The following LMBRD1 variants were observed in gnomAD, a reference collection of about 807,000 sequenced individuals.
The protein encoded by LMBRD1 is lysosomal cobalamin transport escort protein LMBD1.
Under a neutral mutation model 74.8 loss-of-function variants are expected in LMBRD1, and 64 were observed. That is an observed-to-expected ratio of 0.86 (90% confidence interval 0.70 to 1.05). The LOEUF (loss-of-function observed/expected upper bound fraction) is 1.05. Among genes scored for constraint, LMBRD1 ranks in the 50% least tolerant of loss-of-function variants. The pLI is 0.00. For synonymous variants in LMBRD1, 204 were observed against 216.3 expected (o/e 0.94, Z 0.50); for missense variants, 652 against 645.9 (o/e 1.01, Z -0.10).
At chr6:69,719,956 T>C (rs187135666) in intron 7 of LMBRD1, among the ~76,000 whole-genome samples, 200 of 152,344 alleles carry the variant, frequency 1.3e-3, no homozygotes, top group Admixed American at 2.6e-3. Context: ...GTTTTAGGCA[T>C]GACCCCAAAC....
At chr6:69,679,787 T>C (rs1765623506) in intron 14 of LMBRD1, among the ~76,000 whole-genome samples, 1 of 152,094 alleles carries the variant, frequency 6.6e-6, no homozygotes, top group Admixed American at 6.6e-5. Flanking sequence ...TGTGGACTTA[T>C]AAAAAGGGGA....
intron 12 of LMBRD1, among the ~76,000 whole-genome samples, chr6:69,699,406 G>C (rs1766079236): frequency 6.6e-6 from 1 of 151,678 alleles, no homozygotes; most frequent in South Asian, 2.1e-4. Flanking sequence ...TTGTGTAACA[G>C]CATCTGTTAG....
In LMBRD1 at chr6:69,753,524, C is replaced by T. The variant is rs553174415; in HGVS notation, c.308-1168G>A. Among the ~76,000 whole-genome samples, 11 of 152,228 alleles carry T rather than the reference C, an allele frequency of 7.2e-5. No individual in the cohort carries two copies. In the East Asian group the frequency reaches 1.3e-3, roughly 19 times the overall value. ...GGTATAGCAGCTGTGGAAAACAGTA[C>T]GATGTTTCCTAAAAAAATGAAAAAT... On this transcript the variant is annotated intron_variant, in intron 3 of 15. Coordinates refer to ENST00000649934, the MANE Select transcript of LMBRD1 (RefSeq NM_018368.4).
chr6:69,707,918 T>C (rs1490820439), intron 9 of LMBRD1, among the ~76,000 whole-genome samples: 1 of 152,164 alleles, frequency 6.6e-6, no homozygotes, highest in Non-Finnish European at 1.5e-5. Flanking sequence ...GTGAATGTAC[T>C]TACTGCTATT....
chr6:69,773,572 T>C (rs1390341166), intron 3 of LMBRD1, among the ~76,000 whole-genome samples: 1 of 152,204 alleles, frequency 6.6e-6, no homozygotes, highest in Admixed American at 6.5e-5. Context: ...CGGTCCATCT[T>C]ATTCTCCCTT....
At chr6:69,782,364 T>C (rs2149894019) in intron 2 of LMBRD1, among the ~76,000 whole-genome samples, 1 of 152,324 alleles carries the variant, frequency 6.6e-6, no homozygotes, top group Middle Eastern at 3.4e-3. Context: ...TGTCCTAGCA[T>C]TCAGTGAACT....
At chr6:69,705,472 A>AT (rs1038880329) in intron 9 of LMBRD1, 43 of 1,302,732 alleles carry the variant, frequency 3.3e-5, no homozygotes, top group African/African-American at 4.6e-5. Context: ...GTTTTAGGAG[A>AT]TTTTTCCTGT....
At position 69,701,536 on chromosome 6, in the gene LMBRD1, T is replaced by C. The variant is rs1467317157; in HGVS notation, c.990A>G (p.Lys330=). 10 of 1,593,480 alleles carry C rather than the reference T, an allele frequency of 6.3e-6. No individual in the cohort carries two copies. In the Admixed American group the frequency reaches 1.7e-4, roughly 27 times the overall value. Residue 330 remains lysine, a synonymous_variant, in exon 11 of 16, where the codon AAA becomes AAG. Coordinates refer to ENST00000649934, the MANE Select transcript of LMBRD1 (RefSeq NM_018368.4). ...VISLFLSNLD[K]ALHSAGIDSG... is the part of the protein sequence containing the mutation. ...AATCTATTCCAGCTGAATGAAGAGC[T>C]TTATCTAAACTAAAAAAAATTACAA... is the stretch of plus-strand genomic sequence containing the variant.
At chr6:69,729,202 C>T (rs902559039) in intron 7 of LMBRD1, among the ~76,000 whole-genome samples, 1 of 144,826 alleles carries the variant, frequency 6.9e-6, no homozygotes. Context: ...CATGTAGTGC[C>T]CTCATCTAGA....
chr6:69,690,292 CTTAA>C (rs1009274516), intron 14 of LMBRD1, among the ~76,000 whole-genome samples: 6 of 151,812 alleles, frequency 4.0e-5, no homozygotes, highest in African/African-American at 1.5e-4. Flanking sequence ...CCAGATACAA[CTTAA>C]TTGTCACTCA....
intron 8 of LMBRD1, among the ~76,000 whole-genome samples, chr6:69,717,525 C>T (rs957310420): frequency 6.6e-6 from 1 of 152,096 alleles, no homozygotes; most frequent in Non-Finnish European, 1.5e-5. Context: ...TAACTTTTAG[C>T]AAATACTCTG....
chr6:69,701,786 G>T (rs1473153667), intron 10 of LMBRD1, 103 bp downstream of exon 10: 9 of 825,988 alleles, frequency 1.1e-5, no homozygotes, highest in Non-Finnish European at 1.6e-5. Flanking sequence ...AAGTAAAAAA[G>T]CTACTTAAGA....
chr6:69,753,857 C>T (rs1300087937), intron 3 of LMBRD1, among the ~76,000 whole-genome samples: 8 of 151,578 alleles, frequency 5.3e-5, no homozygotes, highest in South Asian at 4.1e-4. Flanking sequence ...AGGAGAATGG[C>T]GTGAACCTGG....
At position 69,729,875 on chromosome 6, in the gene LMBRD1, C is replaced by T. The variant is rs1766818254; in HGVS notation, c.636+8067G>A. On this transcript the variant is annotated intron_variant, in intron 7 of 15. Transcript: ENST00000649934. ...ACTACAATATTTAGATTATGATAAG[C>T]TTGACATAGACCTTATATAAAACAT... Among the ~76,000 whole-genome samples, 3 of 151,828 alleles carry T rather than the reference C, an allele frequency of 2.0e-5. No homozygotes were observed. The South Asian group carries it at 6.2e-4, about 31-fold the overall frequency.
intron 7 of LMBRD1, among the ~76,000 whole-genome samples, chr6:69,730,021 AC>A (rs2149863754): frequency 6.6e-6 from 1 of 152,036 alleles, no homozygotes; most frequent in South Asian, 2.1e-4. Flanking sequence ...ATTACTTACT[AC>A]TGCCCTCTAG....
chr6:69,688,415 T>TC (rs1765810655), intron 14 of LMBRD1, among the ~76,000 whole-genome samples: 1 of 151,882 alleles, frequency 6.6e-6, no homozygotes, highest in Non-Finnish European at 1.5e-5. Flanking sequence ...TTTTTTTTTT[T>TC]TCACTTAAAT....
In LMBRD1 at chr6:69,701,469, TC is replaced by T. The variant is rs749272546; in HGVS notation, c.1056del (p.Asn353IlefsTer18). 6.1e-4 allele frequency: 977 copies of T among 1,602,780 alleles called. No homozygotes were observed. Among genetic ancestry groups the T allele is most frequent in the Non-Finnish European group, 7.8e-4 (915 of 1,171,008 alleles). On this transcript the variant is annotated frameshift_variant, in exon 11 of 16. Coordinates refer to ENST00000649934, the MANE Select transcript of LMBRD1 (RefSeq NM_018368.4). LOFTEE classifies it high-confidence loss of function. ...GTTTGTAGTAAAGGCAAAAGCATAT[TC>T]AGTGGATTACTCAGGTTAGCTCCAA... ...IIFGANLSNP[L>X]NMLLPLLQTV...
At chr6:69,757,162 A>C (rs1294834791) in intron 3 of LMBRD1, among the ~76,000 whole-genome samples, 1 of 152,198 alleles carries the variant, frequency 6.6e-6, no homozygotes, top group Non-Finnish European at 1.5e-5. Flanking sequence ...GAAACAGATG[A>C]ATCTCATAGA....
intron 14 of LMBRD1, among the ~76,000 whole-genome samples, chr6:69,694,802 T>C (rs1386178040): frequency 6.6e-6 from 1 of 152,160 alleles, no homozygotes; most frequent in Admixed American, 6.5e-5. Flanking sequence ...AATAAAAATA[T>C]AAAATTGGTA....
Sources: allele counts gnomAD v4.1 joint callset (sites outside exome capture counted in the v4.1 genomes callset), GRCh38; gene constraint gnomAD v4.1.1; transcripts MANE v1.5; gene names NCBI Gene and HGNC (gene_info 2026-07-23, HGNC 2026-07-21).